Variants in PDK1 observed in about 807,000 individuals in gnomAD.
PDK1 encodes the protein pyruvate dehydrogenase kinase 1, also known as [Pyruvate dehydrogenase (acetyl-transferring)] kinase isozyme 1, mitochondrial.
PDK1 carries 39 observed loss-of-function variants against 54.2 expected under a neutral mutation model. That is an observed-to-expected ratio of 0.72 (90% CI 0.56 to 0.94). PDK1 has a LOEUF of 0.94. PDK1 is among the 40% of genes least tolerant of loss of function. The probability of loss-of-function intolerance (pLI) is 0.00; values close to 1 mark genes in which losing one functional copy is unlikely to be tolerated. For missense variants in PDK1, 552 were observed against 566.0 expected (o/e 0.98, Z 0.25); for synonymous variants, 221 against 207.1 (o/e 1.07, Z -0.58).
chr2:172,691,013 A>G, the PDK1 span, among the ~76,000 whole-genome samples: 1 of 150,286 alleles, frequency 6.7e-6, no homozygotes, highest in East Asian at 2.1e-4. Flanking sequence ...ATAAATAAAT[A>G]AAAGTTCTCC....
the PDK1 span, among the ~76,000 whole-genome samples, chr2:172,641,707 G>T: frequency 6.6e-6 from 1 of 152,274 alleles, no homozygotes; most frequent in African/African-American, 2.4e-5. Flanking sequence ...GCCTTCTAAA[G>T]TGTTGGGATT....
At chr2:172,635,722 C>G in the PDK1 span, among the ~76,000 whole-genome samples, 2,047 of 152,316 alleles carry the variant, frequency 0.013, 51 homozygotes, top group African/African-American at 0.047. Context: ...AATTCCTAAA[C>G]ATAGTGAACA....
chr2:172,664,266 G>A, the PDK1 span, among the ~76,000 whole-genome samples: 3 of 113,998 alleles, frequency 2.6e-5, no homozygotes, highest in South Asian at 2.9e-4. Context: ...AGCCGAGATC[G>A]TGCCATTGCA....
the PDK1 span, among the ~76,000 whole-genome samples, chr2:172,670,200 A>G: frequency 9.8e-5 from 15 of 152,350 alleles, no homozygotes; most frequent in African/African-American, 3.6e-4. Flanking sequence ...CTAAAGGCTC[A>G]TGCCACTGTG....
chr2:172,568,516 C>T (rs879885566), intron 6 of PDK1, among the ~76,000 whole-genome samples: 2 of 152,058 alleles, frequency 1.3e-5, no homozygotes, highest in East Asian at 3.9e-4. Context: ...GATTGTGATG[C>T]AAGATTGTGA....
intron 8 of PDK1, among the ~76,000 whole-genome samples, chr2:172,572,086 TC>T (rs1467185445): frequency 2.6e-5 from 4 of 152,168 alleles, no homozygotes; most frequent in Admixed American, 6.5e-5. Context: ...TGCCTCGGCC[TC>T]CCGAAGTGCT....
the PDK1 span, among the ~76,000 whole-genome samples, chr2:172,670,786 C>A: frequency 6.6e-6 from 1 of 151,964 alleles, no homozygotes; most frequent in African/African-American, 2.4e-5. Context: ...TATTTCTATT[C>A]TTTCTCAGGC....
At chr2:172,653,508 A>G in the PDK1 span, among the ~76,000 whole-genome samples, 1 of 152,092 alleles carries the variant, frequency 6.6e-6, no homozygotes, top group East Asian at 1.9e-4. Flanking sequence ...GCAGCTAAGT[A>G]ACAAAAATTG....
At chr2:172,669,216 C>G in the PDK1 span, among the ~76,000 whole-genome samples, 1 of 151,382 alleles carries the variant, frequency 6.6e-6, no homozygotes, top group East Asian at 1.9e-4. Context: ...TCTGCCACTA[C>G]GCCCGGCTAA....
In PDK1 at chr2:172,601,063, C is replaced by T. The variant is rs774249049; in HGVS notation, c.*5094C>T. The T allele has an allele frequency of 1.1e-4, 16 of 152,130 alleles. No individual in the cohort carries two copies. The highest frequency in any genetic ancestry group is 2.9e-4 in the African/African-American group (12 of 41,432). 9.4% of individuals were successfully genotyped at this position (152,130 alleles called of 1,614,324 possible). A position where few individuals can be genotyped will look rare whatever the true frequency, so the allele number is the denominator to read the frequency against. ...GTTTGTTAAAAGAAAAGTTTTCTGC[C>T]GGGGACTCGCTTTACCCTGTCTACC... On this transcript the variant is annotated 3_prime_UTR_variant, in exon 11 of 11. Coordinates refer to ENST00000282077, the MANE Select transcript of PDK1 (RefSeq NM_002610.5).
chr2:172,666,700 G>A, the PDK1 span, among the ~76,000 whole-genome samples: 1 of 152,202 alleles, frequency 6.6e-6, no homozygotes, highest in Non-Finnish European at 1.5e-5. Context: ...ACTAAGGTCA[G>A]AGTAGGTGAC....
chr2:172,668,894 C>CACACACAT, the PDK1 span, among the ~76,000 whole-genome samples: 281 of 113,136 alleles, frequency 2.5e-3, 4 homozygotes, highest in East Asian at 0.065. Context: ...CACACACACA[C>CACACACAT]ATATATATAT....
At chr2:172,685,319 C>A in the PDK1 span, among the ~76,000 whole-genome samples, 2 of 152,198 alleles carry the variant, frequency 1.3e-5, no homozygotes, top group African/African-American at 4.8e-5. Context: ...GCAGTGGGAG[C>A]TTTTAAAATA....
chr2:172,668,906 TAG>T, the PDK1 span, among the ~76,000 whole-genome samples: 2,367 of 130,444 alleles, frequency 0.018, 28 homozygotes, highest in Admixed American at 0.043. Flanking sequence ...TATATATATA[TAG>T]AGAGAGAGAG....
intron 2 of PDK1, among the ~76,000 whole-genome samples, chr2:172,559,525 A>G (rs1370045765): frequency 1.3e-5 from 2 of 151,994 alleles, no homozygotes; most frequent in African/African-American, 4.8e-5. Context: ...GATTCTCTCC[A>G]TTTTATTCAT....
upstream of PDK1, chr2:172,555,778 G>A (rs181398772): frequency 4.4e-5 from 8 of 181,752 alleles, no homozygotes; most frequent in African/African-American, 1.9e-4. Flanking sequence ...TCGCCTCTTA[G>A]TGTCCCCAGT....
chr2:172,702,754 G>A, the PDK1 span, among the ~76,000 whole-genome samples: 1 of 151,928 alleles, frequency 6.6e-6, no homozygotes, highest in African/African-American at 2.4e-5. Flanking sequence ...TAAAAAAATT[G>A]TATTCAGCTT....
chr2:172,666,685 AG>A, the PDK1 span, among the ~76,000 whole-genome samples: 1 of 152,212 alleles, frequency 6.6e-6, no homozygotes, highest in African/African-American at 2.4e-5. Context: ...AGGTGACCAA[AG>A]ATGACTAAGG....
chr2:172,674,774 G>A, the PDK1 span: 1 of 141,188 alleles, frequency 7.1e-6, no homozygotes, highest in African/African-American at 3.1e-5. Flanking sequence ...ATGGAGCTCA[G>A]GGCCTTCGGG....
Sources: gnomAD v4.1 joint callset for allele counts (sites outside exome capture counted in the v4.1 genomes callset) on GRCh38, gnomAD v4.1.1 for gene constraint, MANE v1.5 for transcripts, NCBI Gene and HGNC (gene_info 2026-07-23, HGNC 2026-07-21) for gene names.